Variants in LIN54 observed in about 807,000 individuals in gnomAD.
The protein encoded by LIN54 is protein lin-54 homolog.
In LIN54, 9 loss-of-function variants were observed where a neutral mutation model predicts 78.7. The ratio of observed to expected loss-of-function variants is 0.11; its 90% CI spans 0.07 to 0.20. The LOEUF is 0.20. LIN54 is among the 10% of genes least tolerant of loss of function. LIN54 has a pLI of 1.00. For missense variants in LIN54, 573 were observed against 889.9 expected (o/e 0.64, Z 4.53); for synonymous variants, 269 against 318.4 (o/e 0.84, Z 1.65).
chr4:83,006,444 G>A (rs1159056278), intron 1 of LIN54, among the ~76,000 whole-genome samples: 2 of 134,220 alleles, frequency 1.5e-5, no homozygotes, highest in South Asian at 2.4e-4. Context: ...GCGAGACTCC[G>A]TCTCAAAAAA....
intron 4 of LIN54, among the ~76,000 whole-genome samples, chr4:82,951,612 T>G (rs1047464296): frequency 2.6e-5 from 4 of 152,064 alleles, no homozygotes; most frequent in African/African-American, 9.7e-5. Flanking sequence ...ATAAAAAAGT[T>G]TATAAAAGTG....
chr4:82,971,547 A>C (rs989651535), intron 3 of LIN54, among the ~76,000 whole-genome samples: 4 of 152,046 alleles, frequency 2.6e-5, no homozygotes, highest in African/African-American at 4.8e-5. Context: ...TAAAAAAAAA[A>C]AACAGGTTTT....
chr4:82,962,247 A>T (rs1391340358), intron 4 of LIN54, among the ~76,000 whole-genome samples: 2 of 152,028 alleles, frequency 1.3e-5, no homozygotes, highest in African/African-American at 4.8e-5. Context: ...ATTTGACCCA[A>T]TCCCACAGAA....
intron 1 of LIN54, among the ~76,000 whole-genome samples, chr4:82,990,651 T>C (rs1424016236): frequency 1.3e-5 from 2 of 151,882 alleles, no homozygotes; most frequent in Non-Finnish European, 2.9e-5. Context: ...GCCCGGCTAA[T>C]TTTTTGTATT....
intron 1 of LIN54, among the ~76,000 whole-genome samples, chr4:82,998,299 C>T (rs767266234): frequency 3.6e-4 from 55 of 151,776 alleles, no homozygotes; most frequent in Admixed American, 1.3e-3. Flanking sequence ...AATCCCAGCA[C>T]TTTGGGAGGC....
chr4:82,997,849 C>T (rs1313397248), intron 1 of LIN54, among the ~76,000 whole-genome samples: 1 of 151,384 alleles, frequency 6.6e-6, no homozygotes, highest in Non-Finnish European at 1.5e-5. Context: ...AAAAAATTAG[C>T]CGGGCATGGT....
intron 1 of LIN54, among the ~76,000 whole-genome samples, chr4:82,991,839 G>C (rs1486545125): frequency 2.0e-5 from 3 of 151,906 alleles, no homozygotes; most frequent in Admixed American, 6.6e-5. Context: ...ACTTGATCAT[G>C]TCTTATAATT....
intron 2 of LIN54, among the ~76,000 whole-genome samples, chr4:82,979,966 A>T (rs1412602148): frequency 7.0e-6 from 1 of 142,272 alleles, no homozygotes; most frequent in Non-Finnish European, 1.5e-5. Flanking sequence ...AAAAAAAAAA[A>T]TACTGGGTCT....
chr4:82,949,827 G>A (rs923039186), intron 4 of LIN54, among the ~76,000 whole-genome samples: 2 of 148,074 alleles, frequency 1.4e-5, no homozygotes, highest in Non-Finnish European at 3.0e-5. Flanking sequence ...TTTGTTTAAT[G>A]CAGTCCATTT....
chr4:82,995,648 A>C (rs1266484998), intron 1 of LIN54, among the ~76,000 whole-genome samples: 1 of 151,450 alleles, frequency 6.6e-6, no homozygotes, highest in African/African-American at 2.4e-5. Flanking sequence ...GGTGCGTGCC[A>C]CCACACCCGG....
intron 1 of LIN54, among the ~76,000 whole-genome samples, chr4:83,005,085 G>A (rs769435391): frequency 9.2e-5 from 14 of 151,890 alleles, no homozygotes; most frequent in Non-Finnish European, 2.1e-4. Context: ...TAGTAGAGAC[G>A]AGGTTTTGCC....
chr4:82,947,235 A>ATATTTTTT, intron 4 of LIN54, among the ~76,000 whole-genome samples: 3,555 of 44,212 alleles, frequency 0.08, 446 homozygotes, highest in Non-Finnish European at 0.1. Flanking sequence ...ATATATATAT[A>ATATTTTTT]TTTTTTTTTT....
chr4:82,996,304 C>T (rs953851386), intron 1 of LIN54, among the ~76,000 whole-genome samples: 1 of 152,062 alleles, frequency 6.6e-6, no homozygotes, highest in African/African-American at 2.4e-5. Context: ...GCTAAAAGAG[C>T]TGAGAAGCTT....
chr4:82,944,650 G>C (rs1723207572), intron 5 of LIN54: 2 of 151,918 alleles, frequency 1.3e-5, no homozygotes, highest in Admixed American at 1.3e-4. Context: ...GAAATAAATA[G>C]GTTTTATTCT....
At chr4:82,946,196 G>T in intron 5 of LIN54, 62 bp downstream of exon 5, 1 of 1,401,368 alleles carries the variant, frequency 7.1e-7, no homozygotes, top group Non-Finnish European at 1.0e-6. Context: ...GCAAGAAATG[G>T]ACAAATGTTC....
chr4:82,949,845 C>CTTTTTTT (rs370091580), intron 4 of LIN54, among the ~76,000 whole-genome samples: 1 of 126,462 alleles, frequency 7.9e-6, no homozygotes, highest in Non-Finnish European at 1.6e-5. Context: ...TTTATTTTTG[C>CTTTTTTT]TTTTTTTTTT....
At chr4:82,966,469 GAC>G (rs1328554638) in intron 4 of LIN54, among the ~76,000 whole-genome samples, 1 of 147,214 alleles carries the variant, frequency 6.8e-6, no homozygotes, top group East Asian at 2.0e-4. Context: ...AAAAAAAAAA[GAC>G]AGAAATAGAA....
intron 4 of LIN54, among the ~76,000 whole-genome samples, chr4:82,950,704 C>G (rs368678725): frequency 2.0e-5 from 3 of 152,088 alleles, no homozygotes; most frequent in Admixed American, 6.6e-5. Flanking sequence ...AAAACGCGGA[C>G]AGACTTGCAA....
chr4:83,004,694 T>C (rs13143684), intron 1 of LIN54, among the ~76,000 whole-genome samples: 78 of 149,224 alleles, frequency 5.2e-4, no homozygotes, highest in Non-Finnish European at 8.8e-4. Flanking sequence ...AGACAAGGTC[T>C]TGCTACGTTG....
Sources: allele counts gnomAD v4.1 joint callset (sites outside exome capture counted in the v4.1 genomes callset), GRCh38; gene constraint gnomAD v4.1.1; transcripts MANE v1.5; gene names NCBI Gene and HGNC (gene_info 2026-07-23, HGNC 2026-07-21).